The following PRKDC variants were observed in gnomAD, a reference collection of about 807,000 sequenced individuals.
PRKDC encodes protein kinase, DNA-activated, catalytic subunit.
In PRKDC, 82 loss-of-function variants were observed where a neutral mutation model predicts 486.9. The observed-to-expected ratio is 0.17, with a 90% CI of 0.14 to 0.20. The LOEUF is 0.20. Among genes scored for constraint, PRKDC ranks in the 10% least tolerant of loss-of-function variants. The probability of loss-of-function intolerance (pLI) is 1.00; values close to 1 mark genes in which losing one functional copy is unlikely to be tolerated. For synonymous variants in PRKDC, 1,895 were observed against 1,837.0 expected, an observed-to-expected ratio of 1.03 and a Z score of -0.81; for missense variants, 4,504 against 5,038.2, an observed-to-expected ratio of 0.89 and a Z score of 3.21.
Position 47,857,293 on chromosome 8 carries a change from G to A in PRKDC, c.6472C>T (p.Arg2158Cys), listed in dbSNP as rs1478302176. 7.5e-6 allele frequency: 12 copies of A among 1,609,452 alleles called. No individual in the cohort carries two copies. The highest frequency in any genetic ancestry group is 1.7e-5 in the Admixed American group (1 of 58,712). Residue 2158 changes from arginine (R) to cysteine (C), a missense_variant, in exon 49 of 86, where the codon CGC becomes TGC. By Grantham distance (180) the Arg-to-Cys change is radical (BLOSUM62 -3). Transcript: ENST00000314191. ...CTAAGCCAGTGCTTCGCGTAAGGGC[G>A]AAAGACCTACAAGAGGATGTAAAAG... ...KLVINTEEVF[R>C]PYAKHWLSPL...
At chr8:47,927,970 CTCAAAT>C in intron 19 of PRKDC, 80 bp from the exon 20 acceptor site, 1 of 1,251,172 alleles carries the variant, frequency 8.0e-7, no homozygotes, top group Non-Finnish European at 1.0e-6. Context: ...TTGCCCTATT[CTCAAAT>C]ACAAAAATTG....
chr8:47,777,558 G>C, intron 84 of PRKDC, 128 bp downstream of exon 84: 1 of 1,074,726 alleles, frequency 9.3e-7, no homozygotes, highest in East Asian at 2.5e-5. Context: ...TTTGAGAAAT[G>C]CTGTACAAAA....
intron 25 of PRKDC, among the ~76,000 whole-genome samples, chr8:47,908,187 A>G (rs2089827694): frequency 6.6e-6 from 1 of 152,198 alleles, no homozygotes; most frequent in African/African-American, 2.4e-5. Context: ...GGCAACACCA[A>G]ACATTGTTCA....
intron 76 of PRKDC, among the ~76,000 whole-genome samples, chr8:47,788,242 A>G (rs2086824864): frequency 6.6e-6 from 1 of 152,220 alleles, no homozygotes; most frequent in African/African-American, 2.4e-5. Flanking sequence ...CTAAAGGAGA[A>G]ATGATGCTGA....
chr8:47,935,874 C>T lies in PRKDC; in HGVS notation c.1305G>A (p.Leu435=), dbSNP rs1309020483. The T allele has an allele frequency of 1.2e-6, 2 of 1,613,884 alleles. No individual in the cohort carries two copies. The highest frequency in any genetic ancestry group is 3.3e-5 in the Admixed American group (2 of 60,016). ...CTATCTGCATCACCACGAGGTGCTC[C>T]AGAACTGGAGTATACACCTCAGGAA... ...DTVPEVYTPV[L]EHLVVMQIDS... The change falls in exon 13 of 86, where the codon CTG becomes CTA. Residue 435 remains leucine, a synonymous_variant. Transcript: ENST00000314191.
chr8:47,899,157 A>G (rs2089635793), intron 28 of PRKDC, among the ~76,000 whole-genome samples: 1 of 152,234 alleles, frequency 6.6e-6, no homozygotes, highest in Non-Finnish European at 1.5e-5. Flanking sequence ...ACCAAGAAAA[A>G]GTTTTCTATG....
chr8:47,910,888 G>A (rs996793611), intron 25 of PRKDC, among the ~76,000 whole-genome samples: 3 of 151,000 alleles, frequency 2.0e-5, no homozygotes, highest in Admixed American at 6.6e-5. Flanking sequence ...TTTTCCAAGT[G>A]GTCAATACTA....
Position 47,774,120 on chromosome 8 carries a change from T to C in PRKDC, c.*53A>G, listed in dbSNP as rs1267502408. 4 of 1,500,852 alleles carry C rather than the reference T, an allele frequency of 2.7e-6. No homozygotes were observed. The highest frequency in any genetic ancestry group is 2.5e-5 in the East Asian group (1 of 40,476). The allele number at this position is 1,500,852 out of a possible 1,614,324, so 93.0% of individuals were successfully genotyped here. A position where few individuals can be genotyped will look rare whatever the true frequency, so the allele number is the denominator to read the frequency against. Reference sequence around the variant, plus strand: ...TCATGGAATGCTGCCAACCAAAGTATAGTAGATTCTTTAAACAATGTAATG... The same window carrying C: ...TCATGGAATGCTGCCAACCAAAGTACAGTAGATTCTTTAAACAATGTAATG... On this transcript the variant is annotated 3_prime_UTR_variant, in exon 86 of 86. Transcript: ENST00000314191.
chr8:47,820,032 AAG>A (rs2087550061), intron 66 of PRKDC, among the ~76,000 whole-genome samples: 1 of 152,238 alleles, frequency 6.6e-6, no homozygotes, highest in African/African-American at 2.4e-5. Context: ...AAAGGAAAGA[AAG>A]AGTGGCAGCA....
At chr8:47,946,363 C>G (rs72647922) in intron 7 of PRKDC, among the ~76,000 whole-genome samples, 19,378 of 152,026 alleles carry the variant, frequency 0.13, 2,027 homozygotes, top group African/African-American at 0.26. Flanking sequence ...CAGCCACAGC[C>G]CATTTCTTTA....
At chr8:47,862,306 T>A (rs1411684095) in intron 43 of PRKDC, 67 bp downstream of exon 43, 26 of 1,493,870 alleles carry the variant, frequency 1.7e-5, no homozygotes, top group East Asian at 2.3e-5. Context: ...ATCTGTAAGT[T>A]TGACTGATAT....
chr8:47,955,243 A>G (rs1189418769), intron 4 of PRKDC, among the ~76,000 whole-genome samples: 1 of 151,610 alleles, frequency 6.6e-6, no homozygotes, highest in African/African-American at 2.4e-5. Context: ...CGGGCGGATC[A>G]CGAGGTCAGG....
intron 73 of PRKDC, among the ~76,000 whole-genome samples, chr8:47,797,613 C>T (rs545739847): frequency 2.0e-5 from 3 of 152,326 alleles, no homozygotes; most frequent in East Asian, 1.9e-4. Context: ...ATGTCAACTA[C>T]GAAGCCTTTC....
chr8:47,866,976 G>A (rs2088832613), intron 40 of PRKDC, among the ~76,000 whole-genome samples: 1 of 152,098 alleles, frequency 6.6e-6, no homozygotes, highest in South Asian at 2.1e-4. Context: ...GGGCTCAAGT[G>A]ATCCTCCTGC....
chr8:47,797,299 AAAAT>A (rs1360838093), intron 73 of PRKDC, among the ~76,000 whole-genome samples: 2 of 152,230 alleles, frequency 1.3e-5, no homozygotes, highest in African/African-American at 2.4e-5. Context: ...ATATTGGAAA[AAAAT>A]AAAATCATAA....
At position 47,933,116 on chromosome 8, in the gene PRKDC, C is replaced by A; in HGVS notation, c.1680G>T (p.Leu560=). ...FFSVNSSSES[L]NHLLYDEFVK... is the part of the protein sequence containing the mutation. Reference sequence around the variant, plus strand: ...CAAATTCATCATAAAGTAAATGATTCAGACTTTCACTGGAGGAATTCACAG... The same window carrying A: ...CAAATTCATCATAAAGTAAATGATTAAGACTTTCACTGGAGGAATTCACAG... Residue 560 remains leucine, a synonymous_variant, in exon 16 of 86, where the codon CTG becomes CTT. Transcript: ENST00000314191. 6.4e-7 allele frequency: 1 copy of A among 1,569,826 alleles called. No homozygotes were observed. The highest frequency in any genetic ancestry group is 1.9e-5 in the Admixed American group (1 of 51,514).
At chr8:47,861,365 C>A (rs951551411) in intron 44 of PRKDC, among the ~76,000 whole-genome samples, 3 of 152,230 alleles carry the variant, frequency 2.0e-5, no homozygotes, top group Non-Finnish European at 4.4e-5. Flanking sequence ...CATGTGTCTA[C>A]ACGCTTAATA....
chr8:47,866,162 A>G (rs1444283129), intron 40 of PRKDC, among the ~76,000 whole-genome samples: 2 of 150,586 alleles, frequency 1.3e-5, no homozygotes, highest in African/African-American at 4.9e-5. Flanking sequence ...GTCGCAAAAA[A>G]AAAAAAAAAA....
At chr8:47,906,373 G>T (rs780303447) in intron 25 of PRKDC, among the ~76,000 whole-genome samples, 25 of 151,808 alleles carry the variant, frequency 1.6e-4, no homozygotes, top group Non-Finnish European at 4.4e-5. Flanking sequence ...GGCCAGGCAC[G>T]ATGTAATCCC....
Sources: allele counts gnomAD v4.1 joint callset (sites outside exome capture counted in the v4.1 genomes callset), GRCh38; gene constraint gnomAD v4.1.1; transcripts MANE v1.5; gene names NCBI Gene and HGNC (gene_info 2026-07-23, HGNC 2026-07-21).